Variants in BAZ1A observed in about 807,000 individuals in gnomAD.
The protein encoded by BAZ1A is bromodomain adjacent to zinc finger domain protein 1A.
BAZ1A carries 50 observed loss-of-function variants against 185.2 expected under a neutral mutation model. The observed-to-expected ratio is 0.27, with a 90% CI of 0.22 to 0.34. The LOEUF (loss-of-function observed/expected upper bound fraction) is 0.34, where lower values mean the gene tolerates loss of function less well. Among genes scored for constraint, BAZ1A ranks in the 10% least tolerant of loss-of-function variants. The pLI is 1.00. For missense variants in BAZ1A, 1,356 were observed against 1,839.9 expected, an observed-to-expected ratio of 0.74 and a Z score of 4.81; for synonymous variants, 571 against 615.6, an observed-to-expected ratio of 0.93 and a Z score of 1.07.
intron 24 of BAZ1A, among the ~76,000 whole-genome samples, chr14:34,759,171 G>GTTTTTTTTTTTTTTTTTTTTTTTTTTT (rs780287749): frequency 1.5e-5 from 1 of 66,468 alleles, no homozygotes; most frequent in African/African-American, 6.4e-5. Context: ...TACAGCTACA[G>GTTTTTTTTTTTTTTTTTTTTTTTTTTT]TTTTTTTTTT....
chr14:34,775,888 A>G (rs1454982561), intron 18 of BAZ1A, 31 bp downstream of exon 18: 2 of 1,535,588 alleles, frequency 1.3e-6, no homozygotes, highest in South Asian at 2.5e-5. Context: ...GGAGGGAAAA[A>G]AAGTAAAAAC....
intron 4 of BAZ1A, among the ~76,000 whole-genome samples, chr14:34,824,408 C>CAAAAAAAAAAAAAAA: frequency 4.6e-5 from 3 of 65,770 alleles, no homozygotes; most frequent in Non-Finnish European, 5.1e-5. Flanking sequence ...AGCAGCAACT[C>CAAAAAAAAAAAAAAA]AAAAAAAAAA....
chr14:34,773,954 C>G (rs910433745), intron 19 of BAZ1A, among the ~76,000 whole-genome samples: 5 of 152,108 alleles, frequency 3.3e-5, no homozygotes, highest in African/African-American at 1.2e-4. Flanking sequence ...ATAAACAGTT[C>G]TAAGATTGGT....
chr14:34,771,316 T>G, intron 21 of BAZ1A, 195 bp downstream of exon 21: 1 of 565,336 alleles, frequency 1.8e-6, no homozygotes, highest in Non-Finnish European at 3.0e-6. Context: ...TTTCTTTTGA[T>G]GAAACTCTTC....
At chr14:34,771,401 TTTAAGA>T in intron 21 of BAZ1A, 104 bp downstream of exon 21, 1 of 1,092,236 alleles carries the variant, frequency 9.2e-7, no homozygotes. Context: ...ATCTCAAGTT[TTTAAGA>T]TTATCAATTT....
chr14:34,793,022 A>G (rs1443601859), intron 11 of BAZ1A, 101 bp from the exon 12 acceptor site: 1 of 1,065,792 alleles, frequency 9.4e-7, no homozygotes, highest in South Asian at 1.7e-5. Flanking sequence ...ATGTGCAACT[A>G]TTTTCTTAAG....
chr14:34,855,070 C>T (rs1280904391), intron 3 of BAZ1A, among the ~76,000 whole-genome samples: 1 of 152,080 alleles, frequency 6.6e-6, no homozygotes, highest in Non-Finnish European at 1.5e-5. Flanking sequence ...CAGAGTGTAA[C>T]TACGTCTCAA....
At chr14:34,847,225 G>A (rs1307202346) in intron 3 of BAZ1A, among the ~76,000 whole-genome samples, 4 of 147,620 alleles carry the variant, frequency 2.7e-5, no homozygotes, top group African/African-American at 9.9e-5. Context: ...GTGACAGAGC[G>A]AGACTAGTCT....
intron 3 of BAZ1A, among the ~76,000 whole-genome samples, chr14:34,859,185 T>C (rs2042729996): frequency 6.6e-6 from 1 of 152,174 alleles, no homozygotes; most frequent in South Asian, 2.1e-4. Flanking sequence ...CTCACATCTA[T>C]AACCCTAGCA....
intron 21 of BAZ1A, among the ~76,000 whole-genome samples, chr14:34,767,623 C>T (rs376185094): frequency 3.3e-5 from 5 of 152,028 alleles, no homozygotes; most frequent in African/African-American, 4.8e-5. Context: ...TCATTGTGAG[C>T]GTTTTACTTA....
chr14:34,865,830 T>G (rs11629136), intron 2 of BAZ1A, among the ~76,000 whole-genome samples: 22,071 of 152,064 alleles, frequency 0.15, 1,802 homozygotes, highest in Middle Eastern at 0.19. Context: ...AGGGAAGAAT[T>G]CAGAAGGTAA....
At chr14:34,760,679 C>T (rs1886484193) in intron 24 of BAZ1A, among the ~76,000 whole-genome samples, 1 of 151,742 alleles carries the variant, frequency 6.6e-6, no homozygotes, top group South Asian at 2.1e-4. Flanking sequence ...TTGGCAAGAC[C>T]CCATCTCTAC....
intron 2 of BAZ1A, among the ~76,000 whole-genome samples, chr14:34,872,076 T>C (rs2042957871): frequency 6.6e-6 from 1 of 152,200 alleles, no homozygotes; most frequent in Non-Finnish European, 1.5e-5. Context: ...GTCAAAATTA[T>C]TTCCGTTCAG....
In BAZ1A at chr14:34,776,168, G is replaced by A. The variant is rs746773957; in HGVS notation, c.2584C>T (p.Pro862Ser). ...DPQVSTKTGE[P>S]LMSESTSNID... The stretch of plus-strand genomic sequence containing the variant: ...TTGGAGGTAGATTCAGACATCAAAG[G>A]CTCTCCAGTTTTAGTGGATACCTGA... Residue 862 changes from proline (P) to serine (S), a missense_variant, in exon 18 of 27, where the codon CCT becomes TCT. By Grantham distance (74) the Pro-to-Ser change is moderately conservative (BLOSUM62 -1). Around this residue, in one of 7 missense-constraint regions of BAZ1A, gnomAD observed 434 missense variants for 561.7 expected, o/e 0.77. Coordinates refer to ENST00000360310, the MANE Select transcript of BAZ1A (RefSeq NM_013448.3). 6.2e-7 allele frequency: 1 copy of A among 1,614,122 alleles called. No homozygotes were observed. The highest frequency in any genetic ancestry group is 8.5e-7 in the Non-Finnish European group (1 of 1,180,024).
intron 5 of BAZ1A, among the ~76,000 whole-genome samples, chr14:34,808,882 T>G (rs112892885): frequency 3.9e-5 from 6 of 152,270 alleles, no homozygotes; most frequent in African/African-American, 1.4e-4. Context: ...CGTTAAAAGC[T>G]CCTATAAGTG....
intron 9 of BAZ1A, among the ~76,000 whole-genome samples, chr14:34,797,381 G>T (rs1881254710): frequency 4.3e-3 from 1 of 232 alleles, no homozygotes; most frequent in Non-Finnish European, 9.4e-3. Flanking sequence ...CCAACATGGT[G>T]AAACCCATCT....
intron 12 of BAZ1A, among the ~76,000 whole-genome samples, chr14:34,787,678 G>A (rs955937630): frequency 2.0e-5 from 3 of 152,008 alleles, no homozygotes; most frequent in Non-Finnish European, 2.9e-5. Flanking sequence ...GTTAGACTCC[G>A]TCTCAAAAAA....
chr14:34,865,341 C>T (rs2042840115), intron 2 of BAZ1A, among the ~76,000 whole-genome samples: 2 of 152,048 alleles, frequency 1.3e-5, no homozygotes, highest in South Asian at 4.1e-4. Context: ...AAATTTTTTC[C>T]TGCTTTACAC....
intron 3 of BAZ1A, among the ~76,000 whole-genome samples, chr14:34,848,111 C>G (rs969070977): frequency 6.6e-6 from 1 of 152,148 alleles, no homozygotes; most frequent in African/African-American, 2.4e-5. Context: ...ATCCACCCAC[C>G]TTGGCCTCCC....
Sources: gnomAD v4.1 joint callset for allele counts (sites outside exome capture counted in the v4.1 genomes callset) on GRCh38, gnomAD v4.1.1 for gene constraint, gnomAD v4.1.1 regional missense constraint, MANE v1.5 for transcripts, NCBI Gene and HGNC (gene_info 2026-07-23, HGNC 2026-07-21) for gene names.